ATP2B4: variants seen among roughly 807,000 people sequenced by gnomAD.
ATP2B4 encodes plasma membrane calcium-transporting ATPase 4.
Under a neutral mutation model 110.3 loss-of-function variants are expected in ATP2B4, and 39 were observed. That is an observed-to-expected ratio of 0.35 (90% CI 0.27 to 0.46). ATP2B4 has a LOEUF of 0.46. Ranked by LOEUF, ATP2B4 falls within the 20% of genes least tolerant of loss-of-function variation. The pLI is 1.00. For missense variants in ATP2B4, 1,135 were observed against 1,530.9 expected, an observed-to-expected ratio of 0.74 and a Z score of 4.32; for synonymous variants, 538 against 571.7, an observed-to-expected ratio of 0.94 and a Z score of 0.84.
chr1:203,655,151 T>C (rs1160619697), intron 1 of ATP2B4, among the ~76,000 whole-genome samples: 1 of 152,186 alleles, frequency 6.6e-6, no homozygotes, highest in Non-Finnish European at 1.5e-5. Context: ...TTTTTAGGAA[T>C]GAGCAAAGAA....
chr1:203,727,374 C>G, intron 19 of ATP2B4, 21 bp from the exon 20 acceptor site: 14 of 1,612,874 alleles, frequency 8.7e-6, no homozygotes, highest in Non-Finnish European at 1.2e-5. Context: ...ACGTCTTCCT[C>G]TTCGCTGCGC....
At position 203,709,458 on chromosome 1, in the gene ATP2B4, G is replaced by A; in HGVS notation, c.1715G>A (p.Arg572His). 5.6e-6 allele frequency: 9 copies of A among 1,614,146 alleles called. No homozygotes were observed. Among genetic ancestry groups the A allele is most frequent in the Non-Finnish European group, 6.8e-6 (8 of 1,180,036 alleles). ...AAGGTGTACACCTTTAACTCAGTGCGCAAGTCAATGAGCACCGTCATCAGG... is the reference window on the plus strand; with the variant it reads ...AAGGTGTACACCTTTAACTCAGTGCACAAGTCAATGAGCACCGTCATCAGG... ...LYKVYTFNSV[R>H]KSMSTVIRNP... The change falls in exon 11 of 21, where the codon CGC becomes CAC. Residue 572 changes from arginine to histidine, a missense_variant. Coordinates refer to ENST00000357681, the MANE Select transcript of ATP2B4 (RefSeq NM_001684.5).
In ATP2B4 at chr1:203,660,594, G is replaced by C. The variant is rs148038923; in HGVS notation, c.-464-22148G>C. Among the ~76,000 whole-genome samples, 1,289 of 152,176 alleles carry C rather than the reference G, an allele frequency of 8.5e-3. 21 individuals carry two copies. The highest frequency in any genetic ancestry group is 0.027 in the African/African-American group (1,109 of 41,498). ...AGGTGGGCAGATCGTGAGGTCAAGA[G>C]ATCGAGACCAGCCTGGCCAACATGG... On this transcript the variant is annotated intron_variant, in intron 1 of 20. Transcript: ENST00000357681.
intron 1 of ATP2B4, among the ~76,000 whole-genome samples, chr1:203,680,336 C>T (rs1249813558): frequency 1.3e-5 from 2 of 152,054 alleles, no homozygotes; most frequent in Non-Finnish European, 2.9e-5. Flanking sequence ...GGCGGCTGGG[C>T]GCGGTGGCTC....
chr1:203,648,891 T>C (rs368491227), intron 1 of ATP2B4, among the ~76,000 whole-genome samples: 16 of 152,324 alleles, frequency 1.1e-4, no homozygotes, highest in Admixed American at 5.2e-4. Context: ...ACCAATGTAA[T>C]GCAATGCATG....
Position 203,722,601 on chromosome 1 carries a change from G to A in ATP2B4, c.2936G>A (p.Arg979Gln). ...CAGCTCTTCAATGAAATCAACTCCC[G>A]AAAGATCCATGGAGAGAAGAACGTC... The part of the protein sequence containing the change: ...LMQLFNEINS[R>Q]KIHGEKNVFS... Residue 979 changes from arginine (R) to glutamine (Q), a missense_variant, in exon 18 of 21, where the codon CGA becomes CAA. Arg to Gln is a conservative substitution (Grantham distance 43). This residue lies in a region of ATP2B4 where 155 missense variants were observed against 186.2 expected (regional missense o/e 0.83). Transcript: ENST00000357681. 12 of 1,614,088 alleles carry A rather than the reference G, an allele frequency of 7.4e-6. No homozygotes were observed. Among genetic ancestry groups the A allele is most frequent in the African/African-American group, 1.3e-5 (1 of 75,006 alleles).
Position 203,721,634 on chromosome 1 carries a change from G to A in ATP2B4, c.2812+224G>A, listed in dbSNP as rs74813244. 1.8e-3 allele frequency among the ~76,000 whole-genome samples: 277 copies of A among 150,850 alleles called. 4 individuals are homozygous for A. The East Asian group carries it at 0.027, about 15-fold the overall frequency. ...TGTACTCAAGAATTTCACAAGGGAG[G>A]CTTTATTATTTCTTTCTTTCTTTTT... On this transcript the variant is annotated intron_variant, in intron 17 of 20. Transcript: ENST00000357681.
chr1:203,707,749 G>A (rs1268999010), intron 9 of ATP2B4, 113 bp from the exon 10 acceptor site: 4 of 1,427,338 alleles, frequency 2.8e-6, no homozygotes, highest in Non-Finnish European at 3.8e-6. Context: ...GGATTTTTGT[G>A]TGGGACTGGA....
intron 20 of ATP2B4, chr1:203,729,580 T>C: frequency 2.0e-6 from 1 of 497,550 alleles, no homozygotes; most frequent in Non-Finnish European, 3.8e-6. Context: ...AAAAGTGGAT[T>C]GCAGACTCAC....
At position 203,721,305 on chromosome 1, in the gene ATP2B4, C is replaced by A. The variant is rs149815131; in HGVS notation, c.2707C>A (p.Arg903Ser). ...CCCTACGGAATCTCTGTTGAAGCGG[C>A]GCCCCTATGGCCGAAATAAGCCTCT... ...EPPTESLLKRRPYGRNKPLIS... is the reference protein window; with the variant it reads ...EPPTESLLKRSPYGRNKPLIS... Residue 903 changes from arginine to serine, a missense_variant, in exon 17 of 21, where the codon CGC becomes AGC. By Grantham distance (110) the Arg-to-Ser change is moderately radical (BLOSUM62 -1). Transcript: ENST00000357681. The A allele has an allele frequency of 1.2e-6, 2 of 1,614,208 alleles. No homozygotes were observed. The highest frequency in any genetic ancestry group is 1.7e-6 in the Non-Finnish European group (2 of 1,180,034).
chr1:203,690,214 G>A (rs1665324983), intron 2 of ATP2B4, among the ~76,000 whole-genome samples: 1 of 152,114 alleles, frequency 6.6e-6, no homozygotes, highest in Non-Finnish European at 1.5e-5. Context: ...GAGGGCAGTG[G>A]CATGTTTTAC....
chr1:203,698,078 C>A, intron 2 of ATP2B4, 79 bp from the exon 3 acceptor site: 5 of 1,245,908 alleles, frequency 4.0e-6, no homozygotes, highest in Non-Finnish European at 5.8e-6. Flanking sequence ...ATGATCATGG[C>A]TCACTGCCAC....
rs770140292 is a variant in ATP2B4 at position 203,715,334 on chromosome 1, C to T, written c.2406+1057C>T. ...TGATTACTCTGAGGCGGGCAGATCG[C>T]CTGAGGTCAGGAGTTCGAGACCAGT... On this transcript the variant is annotated intron_variant, in intron 15 of 20. Transcript: ENST00000357681. Among the ~76,000 whole-genome samples, 8 of 142,916 alleles carry T rather than the reference C, an allele frequency of 5.6e-5. 2 individuals carry two copies. The highest frequency in any genetic ancestry group is 9.3e-5 in the Non-Finnish European group (6 of 64,596). The allele number at this position is 142,916 out of a possible 152,430, so 93.8% of individuals were successfully genotyped here.
In ATP2B4 at chr1:203,720,860, C is replaced by T. The variant is rs145405001; in HGVS notation, c.2598+120C>T. On this transcript the variant is annotated intron_variant, in intron 16 of 20. Transcript: ENST00000357681. ...ACAGCGTTTCCCCATGACATTGGGA[C>T]AGGAGTTAGCTCTTCTAAGTCTGCT... 336 of 1,186,682 alleles carry T rather than the reference C, an allele frequency of 2.8e-4. 2 individuals carry two copies. In the Admixed American group the frequency reaches 7.0e-3, roughly 25 times the overall value. The allele number at this position is 1,186,682 out of a possible 1,614,324, so 73.5% of individuals were successfully genotyped here.
intron 15 of ATP2B4, 117 bp from the exon 16 acceptor site, chr1:203,720,432 T>G: frequency 1.0e-6 from 1 of 1,004,412 alleles, no homozygotes; most frequent in East Asian, 2.8e-5. Flanking sequence ...TGTTTTCTTT[T>G]GTGTGACTAG....
At chr1:203,727,724 C>T in intron 20 of ATP2B4, 153 bp downstream of exon 20, 1 of 897,946 alleles carries the variant, frequency 1.1e-6, no homozygotes, top group South Asian at 1.7e-5. Context: ...TCAGGACAGA[C>T]ACGCAAAAGG....
intron 2 of ATP2B4, among the ~76,000 whole-genome samples, chr1:203,691,863 TG>T (rs1344437156): frequency 6.6e-6 from 1 of 152,106 alleles, no homozygotes; most frequent in Non-Finnish European, 1.5e-5. Context: ...CCAGGGTTGT[TG>T]GGGTTTTTTA....
chr1:203,679,327 GAT>G (rs753076597), intron 1 of ATP2B4, among the ~76,000 whole-genome samples: 1 of 152,188 alleles, frequency 6.6e-6, no homozygotes, highest in South Asian at 2.1e-4. Flanking sequence ...GGGACGTCAT[GAT>G]ATGTTTCCTA....
At chr1:203,672,338 TTTTTTTTTTTTTTTTTTTA>T (rs1192917643) in intron 1 of ATP2B4, among the ~76,000 whole-genome samples, 3 of 64,998 alleles carry the variant, frequency 4.6e-5, no homozygotes, top group African/African-American at 8.7e-5. Flanking sequence ...TTTTTTTTTT[TTTTTTTTTTTTTTTTTTTA>T]AAGCTGATTT....
Sources: gnomAD v4.1 joint callset for allele counts (sites outside exome capture counted in the v4.1 genomes callset) on GRCh38, gnomAD v4.1.1 for gene constraint, gnomAD v4.1.1 regional missense constraint, MANE v1.5 for transcripts, NCBI Gene and HGNC (gene_info 2026-07-23, HGNC 2026-07-21) for gene names.